The following CTNNA3 variants were observed in gnomAD, a reference collection of about 807,000 sequenced individuals.
CTNNA3 encodes catenin alpha 3.
In CTNNA3, 76 loss-of-function variants were observed where a neutral mutation model predicts 95.7. The ratio of observed to expected loss-of-function variants is 0.79; its 90% CI spans 0.66 to 0.96. The LOEUF is 0.96. Among genes scored for constraint, CTNNA3 ranks in the 40% least tolerant of loss-of-function variants. The pLI is 0.00. For missense variants in CTNNA3, 1,191 were observed against 1,089.8 expected, an observed-to-expected ratio of 1.09 and a Z score of -1.31; for synonymous variants, 431 against 374.4, an observed-to-expected ratio of 1.15 and a Z score of -1.74.
intron 5 of CTNNA3, among the ~76,000 whole-genome samples, chr10:67,494,861 T>A (rs1838976228): frequency 6.6e-6 from 1 of 152,156 alleles, no homozygotes; most frequent in African/African-American, 2.4e-5. Flanking sequence ...CACAGGATAG[T>A]TTGATTCCTT....
intron 10 of CTNNA3, among the ~76,000 whole-genome samples, chr10:66,536,935 A>C (rs999655334): frequency 6.6e-6 from 1 of 152,164 alleles, no homozygotes; most frequent in Admixed American, 6.6e-5. Context: ...AAATGTTTAA[A>C]GTGACATTTA....
chr10:67,434,362 C>A (rs942060095), intron 5 of CTNNA3, among the ~76,000 whole-genome samples: 1 of 152,082 alleles, frequency 6.6e-6, no homozygotes. Flanking sequence ...ATCACAGTTT[C>A]TAGAATACTA....
chr10:66,913,238 CAAAAAAAAAA>C lies in CTNNA3; in HGVS notation c.1048-137724_1048-137715del, dbSNP rs1161880781. Among the ~76,000 whole-genome samples the C allele has an allele frequency of 1.1e-3, 38 of 33,534 alleles. No individual in the cohort carries two copies. In the South Asian group the frequency reaches 0.022, roughly 19 times the overall value. 22.0% of individuals were successfully genotyped at this position (33,534 alleles called of 152,430 possible). A position where few individuals can be genotyped will look rare whatever the true frequency, so the allele number is the denominator to read the frequency against. ...TGGGCGAAAGAGCGAGACTCCGTCT[CAAAAAAAAAA>C]AAAAAAAAAAAAAAAAAGAAAAAGA... On this transcript the variant is annotated intron_variant, in intron 7 of 17. Transcript: ENST00000433211.
chr10:66,180,305 A>G (rs1271005799), intron 13 of CTNNA3, among the ~76,000 whole-genome samples: 2 of 152,166 alleles, frequency 1.3e-5, no homozygotes, highest in Admixed American at 6.5e-5. Flanking sequence ...TGGTGACAGT[A>G]GGTTTTAGTG....
intron 11 of CTNNA3, among the ~76,000 whole-genome samples, chr10:66,389,212 A>T (rs559656884): frequency 1.2e-3 from 181 of 151,300 alleles, no homozygotes; most frequent in South Asian, 2.7e-3. Flanking sequence ...CTCCTCAAAA[A>T]TTTTTTTTTT....
intron 6 of CTNNA3, among the ~76,000 whole-genome samples, chr10:67,197,345 C>A (rs1796605177): frequency 6.6e-6 from 1 of 152,006 alleles, no homozygotes; most frequent in Non-Finnish European, 1.5e-5. Context: ...TGCTCTATTT[C>A]TGTTTGATTC....
chr10:66,729,834 G>A (rs1165780999), intron 9 of CTNNA3, among the ~76,000 whole-genome samples: 1 of 152,138 alleles, frequency 6.6e-6, no homozygotes, highest in Non-Finnish European at 1.5e-5. Flanking sequence ...GCCAGGCGTG[G>A]TGGCTCATGC....
At chr10:66,330,146 C>T (rs902933305) in intron 12 of CTNNA3, among the ~76,000 whole-genome samples, 1 of 151,834 alleles carries the variant, frequency 6.6e-6, no homozygotes, top group Non-Finnish European at 1.5e-5. Flanking sequence ...TATACTTGTG[C>T]CATGTTGGTG....
At position 66,116,803 on chromosome 10, in the gene CTNNA3, A is replaced by G. The variant is rs113836503; in HGVS notation, c.1885-13554T>C. ...GGTGGAAGGTAAAGGGGAAGCAAGC[A>G]CATCTTCACATGGAGCAGGAGAGAC... is the stretch of plus-strand genomic sequence containing the variant. On this transcript the variant is annotated intron_variant, in intron 13 of 17. Transcript: ENST00000433211. Among the ~76,000 whole-genome samples, 634 of 152,258 alleles carry G rather than the reference A, an allele frequency of 4.2e-3. 8 individuals carry two copies. Among genetic ancestry groups the G allele is most frequent in the African/African-American group, 0.014 (587 of 41,550 alleles).
chr10:66,048,165 C>A (rs577656866), intron 15 of CTNNA3, among the ~76,000 whole-genome samples: 2 of 152,190 alleles, frequency 1.3e-5, no homozygotes, highest in South Asian at 2.1e-4. Flanking sequence ...TCTGAATAGC[C>A]AAGGCAATCC....
intron 6 of CTNNA3, among the ~76,000 whole-genome samples, chr10:67,196,438 T>G (rs1336994162): frequency 6.6e-6 from 1 of 152,188 alleles, no homozygotes; most frequent in Middle Eastern, 3.4e-3. Flanking sequence ...GAAAATATTT[T>G]AGAGATACTC....
intron 6 of CTNNA3, among the ~76,000 whole-genome samples, chr10:67,184,376 G>C (rs1299344574): frequency 2.6e-5 from 4 of 152,096 alleles, no homozygotes; most frequent in Non-Finnish European, 5.9e-5. Flanking sequence ...CATTTCTTTG[G>C]AGAGATGCTT....
chr10:67,300,634 A>G (rs770612297), intron 5 of CTNNA3, among the ~76,000 whole-genome samples: 59 of 152,306 alleles, frequency 3.9e-4, no homozygotes, highest in Non-Finnish European at 6.3e-4. Flanking sequence ...TTCAATTAAT[A>G]TATTCATAGA....
intron 11 of CTNNA3, among the ~76,000 whole-genome samples, chr10:66,426,642 T>C (rs2132651401): frequency 6.6e-6 from 1 of 152,134 alleles, no homozygotes; most frequent in Admixed American, 6.6e-5. Context: ...TCTGTTTTTC[T>C]TTCTAGTAGC....
intron 7 of CTNNA3, among the ~76,000 whole-genome samples, chr10:66,884,675 A>G (rs557944895): frequency 6.6e-6 from 1 of 152,270 alleles, no homozygotes; most frequent in African/African-American, 2.4e-5. Context: ...CCTATCTCAC[A>G]GAAACTGTGA....
chr10:66,981,894 C>T (rs184704118), intron 7 of CTNNA3, among the ~76,000 whole-genome samples: 115 of 152,266 alleles, frequency 7.6e-4, no homozygotes, highest in African/African-American at 2.7e-3. Context: ...CCCAAAGTTG[C>T]ATCAAAAGAA....
At chr10:66,870,766 T>A (rs12266341) in intron 7 of CTNNA3, among the ~76,000 whole-genome samples, 22,279 of 152,190 alleles carry the variant, frequency 0.15, 2,238 homozygotes, top group African/African-American at 0.28. Context: ...ATTGTAAATG[T>A]GCAGTTCAAA....
intron 3 of CTNNA3, among the ~76,000 whole-genome samples, chr10:67,588,342 A>G (rs563664733): frequency 1.1e-4 from 17 of 151,534 alleles, no homozygotes; most frequent in African/African-American, 2.9e-4. Flanking sequence ...TTTTGAATTT[A>G]CTTTTTTTCA....
At chr10:66,149,739 C>T (rs2084091435) in intron 13 of CTNNA3, among the ~76,000 whole-genome samples, 1 of 151,400 alleles carries the variant, frequency 6.6e-6, no homozygotes, top group African/African-American at 2.4e-5. Context: ...GCATCTTTTT[C>T]AGATTATTAA....
Sources: gnomAD v4.1 joint callset for allele counts (sites outside exome capture counted in the v4.1 genomes callset) on GRCh38, gnomAD v4.1.1 for gene constraint, MANE v1.5 for transcripts, NCBI Gene and HGNC (gene_info 2026-07-23, HGNC 2026-07-21) for gene names.